Variants in EPHA7 observed in about 807,000 individuals in gnomAD.
The protein encoded by EPHA7 is ephrin type-A receptor 7.
Under a neutral mutation model 112.6 loss-of-function variants are expected in EPHA7, and 25 were observed. The ratio of observed to expected loss-of-function variants is 0.22; its 90% CI spans 0.16 to 0.31. The LOEUF is 0.31. Among genes scored for constraint, EPHA7 ranks in the 10% least tolerant of loss-of-function variants. EPHA7 has a pLI of 1.00. For missense variants in EPHA7, 962 were observed against 1,212.6 expected (o/e 0.79, Z 3.07); for synonymous variants, 437 against 406.5 (o/e 1.07, Z -0.90).
Position 93,410,414 on chromosome 6 carries a change from C to T in EPHA7, c.832+87G>A, listed in dbSNP as rs1778918824. ...GCGCTTCTGGTACAGAGCAGATTCACGTATTCAAATAACTATTAAAGTTTA... is the reference window on the plus strand; with the variant it reads ...GCGCTTCTGGTACAGAGCAGATTCATGTATTCAAATAACTATTAAAGTTTA... On this transcript the variant is annotated intron_variant, in intron 3 of 16. Transcript: ENST00000369303. This position sits in a 1 kb window ranked among gnomAD's most constrained non-coding sequence, Gnocchi z 4.0. The T allele has an allele frequency of 6.5e-6, 8 of 1,223,200 alleles. No individual in the cohort carries two copies. The highest frequency in any genetic ancestry group is 2.9e-5 in the South Asian group (2 of 69,628). The allele number at this position is 1,223,200 out of a possible 1,614,324, so 75.8% of individuals were successfully genotyped here.
intron 6 of EPHA7, among the ~76,000 whole-genome samples, chr6:93,269,865 G>A (rs563622690): frequency 2.6e-5 from 4 of 151,800 alleles, no homozygotes; most frequent in African/African-American, 4.8e-5. Flanking sequence ...TATTTAGGGC[G>A]AAATAATTTA....
At chr6:93,358,044 G>A (rs776722509) in intron 4 of EPHA7, among the ~76,000 whole-genome samples, 3 of 151,750 alleles carry the variant, frequency 2.0e-5, no homozygotes, top group Admixed American at 1.3e-4. Context: ...TTGCAGACAC[G>A]GAAATAACAC....
At chr6:93,418,270 G>A (rs1297537601) in intron 1 of EPHA7, among the ~76,000 whole-genome samples, 1 of 152,010 alleles carries the variant, frequency 6.6e-6, no homozygotes, top group African/African-American at 2.4e-5. Context: ...GGCACCGAAA[G>A]GTATTTTACC....
intron 5 of EPHA7, among the ~76,000 whole-genome samples, chr6:93,342,003 C>T (rs960928719): frequency 4.6e-5 from 7 of 151,758 alleles, no homozygotes; most frequent in Non-Finnish European, 2.9e-5. Flanking sequence ...AAGACCCACT[C>T]AAGCACACAT....
At chr6:93,375,694 A>C (rs1470559231) in intron 3 of EPHA7, among the ~76,000 whole-genome samples, 1 of 152,034 alleles carries the variant, frequency 6.6e-6, no homozygotes, top group African/African-American at 2.4e-5. Flanking sequence ...TAATCAAAAA[A>C]GTAATGAAAA....
chr6:93,373,284 C>T (rs937613550), intron 3 of EPHA7, among the ~76,000 whole-genome samples: 2 of 151,912 alleles, frequency 1.3e-5, no homozygotes, highest in Non-Finnish European at 2.9e-5. Flanking sequence ...AGTTAACAGA[C>T]ATCTCCAAGA....
chr6:93,404,572 T>A (rs1261820596), intron 3 of EPHA7, among the ~76,000 whole-genome samples: 2 of 150,044 alleles, frequency 1.3e-5, no homozygotes, highest in South Asian at 2.1e-4. Flanking sequence ...ATATACAAAC[T>A]TATATAAGAT....
chr6:93,251,491 T>C (rs1770208786), intron 14 of EPHA7, among the ~76,000 whole-genome samples: 1 of 143,954 alleles, frequency 6.9e-6, no homozygotes, highest in Non-Finnish European at 1.5e-5. Flanking sequence ...TTTTTAAAAA[T>C]ACTTTTTTCT....
At position 93,240,338 on chromosome 6, in the gene EPHA7, A is replaced by G. The variant is rs1168247266; in HGVS notation, c.*3088T>C. ...GGCTACTCAAGAAACAAAAGGGAGA[A>G]TATCAGCATTACCTAAATAAAAAAG... On this transcript the variant is annotated 3_prime_UTR_variant, in exon 17 of 17. Coordinates refer to ENST00000369303, the MANE Select transcript of EPHA7 (RefSeq NM_004440.4). The G allele has an allele frequency of 1.3e-5, 3 of 225,910 alleles. No homozygotes were observed. Among genetic ancestry groups the G allele is most frequent in the African/African-American group, 6.7e-5 (3 of 44,976 alleles). 14.0% of individuals were successfully genotyped at this position (225,910 alleles called of 1,614,324 possible). A position where few individuals can be genotyped will look rare whatever the true frequency, so the allele number is the denominator to read the frequency against.
intron 5 of EPHA7, among the ~76,000 whole-genome samples, chr6:93,320,541 A>G (rs1774017747): frequency 6.6e-6 from 1 of 151,966 alleles, no homozygotes; most frequent in Non-Finnish European, 1.5e-5. Context: ...ATATTTACTA[A>G]ATTTACTTAA....
intron 2 of EPHA7, 42 bp downstream of exon 2, chr6:93,414,658 TTTC>T: frequency 2.7e-6 from 4 of 1,468,606 alleles, no homozygotes; most frequent in Non-Finnish European, 3.8e-6. Flanking sequence ...AAACGTTTTG[TTTC>T]TTATTTTAAA....
chr6:93,287,235 C>G (rs954653725), intron 5 of EPHA7, among the ~76,000 whole-genome samples: 26 of 152,166 alleles, frequency 1.7e-4, no homozygotes, highest in Non-Finnish European at 2.8e-4. Context: ...ACTCTTTCCA[C>G]CTGCTGGGGA....
chr6:93,394,000 CATA>C (rs1320733521), intron 3 of EPHA7, among the ~76,000 whole-genome samples: 1 of 121,534 alleles, frequency 8.2e-6, no homozygotes, highest in African/African-American at 3.1e-5. Context: ...AAATTATCTC[CATA>C]ATAAGAGGCT....
chr6:93,343,817 T>C lies in EPHA7; in HGVS notation c.1324+12900A>G, dbSNP rs866428004. Among the ~76,000 whole-genome samples the C allele has an allele frequency of 1.1e-4, 16 of 151,774 alleles. 1 individual carries two copies. The Middle Eastern group carries it at 0.02, about 194-fold the overall frequency. On this transcript the variant is annotated intron_variant, in intron 5 of 16. Coordinates refer to ENST00000369303, the MANE Select transcript of EPHA7 (RefSeq NM_004440.4). Reference sequence around the variant, plus strand: ...AGTCTAAAGGAGGTCAGCTGTTGTATTTTCAAACATAACACCAGTGTTTAA... The same window carrying C: ...AGTCTAAAGGAGGTCAGCTGTTGTACTTTCAAACATAACACCAGTGTTTAA...
chr6:93,413,879 G>A (rs927427104), intron 2 of EPHA7, among the ~76,000 whole-genome samples: 2 of 151,616 alleles, frequency 1.3e-5, no homozygotes, highest in African/African-American at 4.8e-5. Context: ...CACTCCACAC[G>A]GTTTTTAATA....
intron 1 of EPHA7, among the ~76,000 whole-genome samples, chr6:93,416,387 C>T (rs1046293574): frequency 6.6e-6 from 1 of 152,026 alleles, no homozygotes; most frequent in Admixed American, 6.6e-5. Context: ...TGCAGGTGAC[C>T]TTCTTGGGTC....
At chr6:93,381,222 T>C (rs957332308) in intron 3 of EPHA7, among the ~76,000 whole-genome samples, 7 of 152,158 alleles carry the variant, frequency 4.6e-5, no homozygotes, top group African/African-American at 1.2e-4. Context: ...CAATTACAAA[T>C]TGAGAAACTT....
chr6:93,378,400 C>T (rs960762067), intron 3 of EPHA7, among the ~76,000 whole-genome samples: 2 of 151,982 alleles, frequency 1.3e-5, no homozygotes, highest in Admixed American at 1.3e-4. Context: ...AGAAAACTAA[C>T]GGGAGGGCTT....
rs548610040 is a variant in EPHA7 at position 93,296,544 on chromosome 6, C to G, written c.1325-24122G>C. 4.7e-5 allele frequency among the ~76,000 whole-genome samples: 7 copies of G among 150,290 alleles called. No individual in the cohort carries two copies. The South Asian group carries it at 1.5e-3, about 31-fold the overall frequency. ...ACAAGGAGATACTGCCATTTGCCAC[C>G]ACATAGATGAACCTAGAGGATATTA... On this transcript the variant is annotated intron_variant, in intron 5 of 16. Transcript: ENST00000369303.
Sources: allele counts gnomAD v4.1 joint callset (sites outside exome capture counted in the v4.1 genomes callset), GRCh38; gene constraint gnomAD v4.1.1; non-coding constraint Gnocchi (gnomAD v3.1); transcripts MANE v1.5; gene names NCBI Gene and HGNC (gene_info 2026-07-23, HGNC 2026-07-21).